The following CLASP2 variants were observed in gnomAD, a reference collection of about 807,000 sequenced individuals.
CLASP2 encodes the protein cytoplasmic linker associated protein 2.
Under a neutral mutation model 194.4 loss-of-function variants are expected in CLASP2, and 47 were observed. The observed-to-expected ratio is 0.24, with a 90% CI of 0.19 to 0.31. The LOEUF is 0.31. Among genes scored for constraint, CLASP2 ranks in the 10% least tolerant of loss-of-function variants. CLASP2 has a pLI of 1.00. For synonymous variants in CLASP2, 619 were observed against 633.5 expected (o/e 0.98, Z 0.34); for missense variants, 1,445 against 1,823.6 (o/e 0.79, Z 3.78).
At chr3:33,659,275 G>C (rs1222626942) in intron 7 of CLASP2, 1 of 1,214,100 alleles carries the variant, frequency 8.2e-7, no homozygotes, top group Non-Finnish European at 1.0e-6. Flanking sequence ...TACAGGTTAT[G>C]ATGTTTCTCC....
At chr3:33,660,961 A>G (rs2085219979) in intron 7 of CLASP2, among the ~76,000 whole-genome samples, 1 of 152,206 alleles carries the variant, frequency 6.6e-6, no homozygotes, top group Non-Finnish European at 1.5e-5. Flanking sequence ...ACTCCATGAT[A>G]TTACTTCATG....
chr3:33,543,978 A>G (rs1232382387), intron 31 of CLASP2, among the ~76,000 whole-genome samples: 1 of 152,180 alleles, frequency 6.6e-6, no homozygotes, highest in Non-Finnish European at 1.5e-5. Context: ...TTTTAAAAAG[A>G]TGACTGACTC....
chr3:33,533,984 G>A (rs2056844357), intron 34 of CLASP2, among the ~76,000 whole-genome samples: 1 of 152,056 alleles, frequency 6.6e-6, no homozygotes, highest in African/African-American at 2.4e-5. Context: ...CAAAGTGTTG[G>A]GATTACAGGA....
intron 21 of CLASP2, chr3:33,588,568 A>G: frequency 1.9e-6 from 1 of 517,196 alleles, no homozygotes; most frequent in Non-Finnish European, 3.4e-6. Context: ...AAAAATCACA[A>G]TTGGCAATTT....
At chr3:33,606,921 A>G (rs903473744) in intron 15 of CLASP2, among the ~76,000 whole-genome samples, 163 bp from the exon 16 acceptor site, 6 of 152,228 alleles carry the variant, frequency 3.9e-5, no homozygotes, top group African/African-American at 1.4e-4. Context: ...TCCAGTGGAA[A>G]GACTGAAGGC....
chr3:33,654,041 A>G (rs1162383104), intron 7 of CLASP2, among the ~76,000 whole-genome samples: 3 of 152,062 alleles, frequency 2.0e-5, no homozygotes, highest in Admixed American at 6.6e-5. Context: ...TCAAAAAAAA[A>G]AAAAAAGAAC....
intron 1 of CLASP2, among the ~76,000 whole-genome samples, chr3:33,701,404 TG>T (rs1429357553): frequency 6.6e-6 from 1 of 152,224 alleles, no homozygotes; most frequent in Non-Finnish European, 1.5e-5. Flanking sequence ...GAGACCTGCC[TG>T]GGCAACATAG....
At chr3:33,663,668 A>G (rs1220755951) in intron 6 of CLASP2, among the ~76,000 whole-genome samples, 153 bp from the exon 7 acceptor site, 2 of 152,224 alleles carry the variant, frequency 1.3e-5, no homozygotes, top group Non-Finnish European at 2.9e-5. Flanking sequence ...GCACTGAAAG[A>G]AGACACAAAA....
At chr3:33,548,763 C>CTTT (rs57112524) in intron 30 of CLASP2, among the ~76,000 whole-genome samples, 188 of 93,086 alleles carry the variant, frequency 2.0e-3, no homozygotes, top group African/African-American at 2.5e-3. Context: ...GGTTTCATTT[C>CTTT]TTTTTTTTTT....
intron 1 of CLASP2, among the ~76,000 whole-genome samples, chr3:33,709,439 A>C (rs554277085): frequency 1.3e-5 from 2 of 152,270 alleles, no homozygotes; most frequent in South Asian, 4.1e-4. Context: ...GTGTGGATTT[A>C]CTTGAAGGGT....
intron 34 of CLASP2, among the ~76,000 whole-genome samples, chr3:33,518,013 T>A (rs2051889528): frequency 6.6e-6 from 1 of 152,226 alleles, no homozygotes; most frequent in South Asian, 2.1e-4. Flanking sequence ...TAATATGAGT[T>A]AAAAATGGTG....
At chr3:33,595,594 T>C (rs1302395733) in intron 19 of CLASP2, among the ~76,000 whole-genome samples, 1 of 152,050 alleles carries the variant, frequency 6.6e-6, no homozygotes, top group African/African-American at 2.4e-5. Context: ...TAAAGCGCAA[T>C]AATATACGTC....
chr3:33,603,525 T>C (rs545890915), intron 17 of CLASP2, among the ~76,000 whole-genome samples: 22 of 152,230 alleles, frequency 1.4e-4, no homozygotes, highest in African/African-American at 5.3e-4. Flanking sequence ...AGTCCAGGAG[T>C]AGAGATATTA....
chr3:33,695,705 C>A (rs1428480360), intron 2 of CLASP2, among the ~76,000 whole-genome samples: 1 of 151,920 alleles, frequency 6.6e-6, no homozygotes, highest in Non-Finnish European at 1.5e-5. Context: ...TTTGGGAGGC[C>A]GAGGTGAGAG....
intron 3 of CLASP2, 58 bp from the exon 4 acceptor site, chr3:33,688,426 C>G (rs1275759810): frequency 8.1e-7 from 1 of 1,237,168 alleles, no homozygotes; most frequent in Non-Finnish European, 1.1e-6. Flanking sequence ...ATGTTATAAT[C>G]TTTTATTTCT....
At chr3:33,602,593 G>T (rs1316690459) in intron 18 of CLASP2, 1 of 759,292 alleles carries the variant, frequency 1.3e-6, no homozygotes, top group Admixed American at 1.7e-5. Context: ...TCACATTCTT[G>T]GTAAGAGAAG....
At chr3:33,713,153 T>C (rs1273177094) in intron 1 of CLASP2, among the ~76,000 whole-genome samples, 1 of 152,158 alleles carries the variant, frequency 6.6e-6, no homozygotes, top group Non-Finnish European at 1.5e-5. Flanking sequence ...ATGACATATT[T>C]ACATGTTGAA....
intron 13 of CLASP2, among the ~76,000 whole-genome samples, chr3:33,611,117 T>C (rs933687397): frequency 6.6e-6 from 1 of 152,112 alleles, no homozygotes; most frequent in African/African-American, 2.4e-5. Context: ...TATGAATAAA[T>C]GACTGATAAC....
chr3:33,704,083 G>C (rs534251806), intron 1 of CLASP2, among the ~76,000 whole-genome samples: 13 of 152,182 alleles, frequency 8.5e-5, no homozygotes, highest in Non-Finnish European at 1.9e-4. Flanking sequence ...CAGGGATTGG[G>C]GAAGGAGGAA....
Sources: gnomAD v4.1 joint callset for allele counts (sites outside exome capture counted in the v4.1 genomes callset) on GRCh38, gnomAD v4.1.1 for gene constraint, MANE v1.5 for transcripts, NCBI Gene and HGNC (gene_info 2026-07-23, HGNC 2026-07-21) for gene names.